The following MAP4K3 variants were observed in gnomAD, a reference collection of about 807,000 sequenced individuals.
MAP4K3 encodes the protein mitogen-activated protein kinase kinase kinase kinase 3.
MAP4K3 carries 94 observed loss-of-function variants against 143.5 expected under a neutral mutation model. The ratio of observed to expected loss-of-function variants is 0.65; its 90% CI spans 0.55 to 0.78. The LOEUF (loss-of-function observed/expected upper bound fraction) is 0.78, where lower values mean the gene tolerates loss of function less well. MAP4K3 is among the 30% of genes least tolerant of loss of function. MAP4K3 has a pLI of 0.00. For missense variants in MAP4K3, 1,077 were observed against 1,068.1 expected, an observed-to-expected ratio of 1.01 and a Z score of -0.12; for synonymous variants, 416 against 347.2, an observed-to-expected ratio of 1.20 and a Z score of -2.20.
intron 28 of MAP4K3, among the ~76,000 whole-genome samples, chr2:39,261,383 A>C (rs1266243422): frequency 6.6e-6 from 1 of 152,248 alleles, no homozygotes; most frequent in Non-Finnish European, 1.5e-5. Flanking sequence ...GGACAAAAAA[A>C]ATAGATGGAA....
At chr2:39,417,421 G>A (rs918535825) in intron 1 of MAP4K3, among the ~76,000 whole-genome samples, 6 of 151,944 alleles carry the variant, frequency 3.9e-5, no homozygotes, top group African/African-American at 1.5e-4. Context: ...TGGTTTCACC[G>A]TGTTAGCCAG....
chr2:39,330,996 C>A (rs902339207), intron 8 of MAP4K3, among the ~76,000 whole-genome samples: 3 of 152,080 alleles, frequency 2.0e-5, no homozygotes, highest in African/African-American at 7.2e-5. Flanking sequence ...GAAGTTACAA[C>A]TAAGTTTTTC....
chr2:39,407,158 A>T (rs1667118972), intron 1 of MAP4K3, among the ~76,000 whole-genome samples: 1 of 152,186 alleles, frequency 6.6e-6, no homozygotes, highest in Non-Finnish European at 1.5e-5. Context: ...AAAAGTAAAT[A>T]AAATCTAAAA....
intron 8 of MAP4K3, among the ~76,000 whole-genome samples, chr2:39,331,165 A>G (rs77078518): frequency 0.058 from 8,766 of 152,210 alleles, 292 homozygotes; most frequent in African/African-American, 0.093. Flanking sequence ...AGAGGGCATC[A>G]GGGGAGTGGT....
intron 31 of MAP4K3, among the ~76,000 whole-genome samples, chr2:39,256,096 G>C (rs1680332250): frequency 6.6e-6 from 1 of 152,090 alleles, no homozygotes; most frequent in Non-Finnish European, 1.5e-5. Context: ...TTGTGAAAGG[G>C]ATCTTTTTTC....
chr2:39,435,253 A>G (rs1398832555), intron 1 of MAP4K3, among the ~76,000 whole-genome samples: 1 of 152,086 alleles, frequency 6.6e-6, no homozygotes. Flanking sequence ...TGTAGTAGGG[A>G]GCTCTTTTAA....
intron 1 of MAP4K3, among the ~76,000 whole-genome samples, chr2:39,435,128 G>C (rs980809158): frequency 6.6e-6 from 1 of 152,112 alleles, no homozygotes; most frequent in African/African-American, 2.4e-5. Context: ...CCAGTCATAA[G>C]TGACTTGCAT....
At chr2:39,265,329 G>A (rs1237575158) in intron 27 of MAP4K3, 23 bp from the exon 28 acceptor site, 1 of 1,368,680 alleles carries the variant, frequency 7.3e-7, no homozygotes, top group African/African-American at 1.4e-5. Flanking sequence ...AAATATAAAT[G>A]AGTTCTCTTA....
chr2:39,250,720 A>G lies in MAP4K3; in HGVS notation c.2598-15T>C. On this transcript the variant is annotated splice_polypyrimidine_tract_variant and intron_variant, in intron 33 of 33. Transcript: ENST00000263881. ...AAACCACGACCCTGAAAGTAATAAAAAACATATAACAAAACAAAGTTATTC... is the reference window on the plus strand; with the variant it reads ...AAACCACGACCCTGAAAGTAATAAAGAACATATAACAAAACAAAGTTATTC... 6.2e-7 allele frequency: 1 copy of G among 1,606,944 alleles called. No homozygotes were observed. Among genetic ancestry groups the G allele is most frequent in the South Asian group, 1.1e-5 (1 of 90,462 alleles).
At chr2:39,261,351 A>G (rs1428914319) in intron 28 of MAP4K3, among the ~76,000 whole-genome samples, 1 of 152,248 alleles carries the variant, frequency 6.6e-6, no homozygotes, top group Non-Finnish European at 1.5e-5. Flanking sequence ...TATTGCTACA[A>G]AGAATAAATT....
chr2:39,355,580 C>T (rs753194451), intron 3 of MAP4K3, among the ~76,000 whole-genome samples: 2 of 151,996 alleles, frequency 1.3e-5, no homozygotes, highest in Non-Finnish European at 2.9e-5. Flanking sequence ...ATTCTCTAAT[C>T]TTCCCTTGGA....
At chr2:39,421,809 T>A (rs76073575) in intron 1 of MAP4K3, among the ~76,000 whole-genome samples, 7,024 of 152,082 alleles carry the variant, frequency 0.046, 189 homozygotes, top group African/African-American at 0.054. Context: ...CAGGACTTCA[T>A]TCTTCGATTT....
At chr2:39,330,093 G>A (rs1683633603) in intron 8 of MAP4K3, among the ~76,000 whole-genome samples, 1 of 152,090 alleles carries the variant, frequency 6.6e-6, no homozygotes, top group African/African-American at 2.4e-5. Flanking sequence ...GTACAGCAAA[G>A]AAATTATCAA....
chr2:39,276,072 C>T (rs1294199510), intron 24 of MAP4K3, among the ~76,000 whole-genome samples: 1 of 152,022 alleles, frequency 6.6e-6, no homozygotes, highest in Admixed American at 6.5e-5. Flanking sequence ...GGGGTTTCAC[C>T]TTATTTGTTA....
intron 12 of MAP4K3, among the ~76,000 whole-genome samples, chr2:39,322,022 C>A (rs534994385): frequency 1.4e-5 from 2 of 140,000 alleles, no homozygotes; most frequent in Middle Eastern, 3.6e-3. Context: ...CCCTGGGTCC[C>A]CTTATTTCTT....
chr2:39,325,724 T>G lies in MAP4K3; in HGVS notation c.807+6A>C. The G allele has an allele frequency of 1.9e-6, 3 of 1,598,796 alleles. No individual in the cohort carries two copies. Among genetic ancestry groups the G allele is most frequent in the Non-Finnish European group, 2.6e-6 (3 of 1,171,050 alleles). Reference sequence around the variant, plus strand: ...ATATATATATATTTCAGGGCAAAAATAATACCTGTAATAATTTTTCAGCAG... The same window carrying G: ...ATATATATATATTTCAGGGCAAAAAGAATACCTGTAATAATTTTTCAGCAG... On this transcript the variant is annotated splice_donor_region_variant and intron_variant, in intron 11 of 33. Coordinates refer to ENST00000263881, the MANE Select transcript of MAP4K3 (RefSeq NM_003618.4).
rs573398454 is a variant in MAP4K3 at position 39,288,827 on chromosome 2, C to G, written c.1315-547G>C. On this transcript the variant is annotated intron_variant, in intron 19 of 33. Transcript: ENST00000263881. Reference sequence around the variant, plus strand: ...CAGCACTTTGGGAGGCTGAGGCGAGCGGATCACGAGGTCAGGAGATCGAGA... The same window carrying G: ...CAGCACTTTGGGAGGCTGAGGCGAGGGGATCACGAGGTCAGGAGATCGAGA... Among the ~76,000 whole-genome samples, 112 of 152,088 alleles carry G rather than the reference C, an allele frequency of 7.4e-4. 4 individuals are homozygous for G. The South Asian group carries it at 0.014, about 19-fold the overall frequency.
chr2:39,397,784 C>T (rs1042940692), intron 1 of MAP4K3, among the ~76,000 whole-genome samples: 41 of 151,904 alleles, frequency 2.7e-4, no homozygotes, highest in African/African-American at 8.2e-4. Flanking sequence ...ATACAAAGTC[C>T]GGAAATACAC....
intron 1 of MAP4K3, among the ~76,000 whole-genome samples, chr2:39,378,452 T>A (rs1390026814): frequency 6.6e-6 from 1 of 152,106 alleles, no homozygotes; most frequent in African/African-American, 2.4e-5. Context: ...ATTTTGCAAG[T>A]GAGGAAACTA....
Sources: allele counts gnomAD v4.1 joint callset (sites outside exome capture counted in the v4.1 genomes callset), GRCh38; gene constraint gnomAD v4.1.1; transcripts MANE v1.5; gene names NCBI Gene and HGNC (gene_info 2026-07-23, HGNC 2026-07-21).